MAP1A: variants seen among roughly 807,000 people sequenced by gnomAD.
The protein encoded by MAP1A is microtubule associated protein 1A, also known as microtubule-associated protein 1A.
In MAP1A, 42 loss-of-function variants were observed where a neutral mutation model predicts 185.9. That is an observed-to-expected ratio of 0.23 (90% CI 0.18 to 0.29). MAP1A has a LOEUF of 0.29. Among genes scored for constraint, MAP1A ranks in the 10% least tolerant of loss-of-function variants. The pLI is 1.00. For synonymous variants in MAP1A, 1,229 were observed against 1,335.9 expected (o/e 0.92, Z 1.74); for missense variants, 2,995 against 3,450.4 (o/e 0.87, Z 3.31).
rs1323028047 is a variant in MAP1A at position 43,528,314 on chromosome 15, G to C, written c.6841G>C (p.Ala2281Pro). Residue 2281 changes from alanine (A) to proline (P), a missense_variant, in exon 4 of 6, where the codon GCT becomes CCT. By Grantham distance (27) the Ala-to-Pro change is conservative (BLOSUM62 -1). Around this residue, in one of 3 missense-constraint regions of MAP1A, gnomAD observed 2,728 missense variants for 2,986.0 expected, o/e 0.91. Transcript: ENST00000300231. ...VAERFSPSLEAAEQESGELDP... is the reference protein window; with the variant it reads ...VAERFSPSLEPAEQESGELDP... ...GGAGCGCTTCTCTCCAAGCCTTGAG[G>C]CTGCAGAACAGGAGTCTGGAGAGCT... 1.9e-6 allele frequency: 3 copies of C among 1,613,986 alleles called. No homozygotes were observed. The highest frequency in any genetic ancestry group is 2.7e-5 in the African/African-American group (2 of 74,940).
chr15:43,526,526 G>C lies in MAP1A; in HGVS notation c.5053G>C (p.Gly1685Arg). ...SPEQDNRYWRGREDVALEQDT... is the reference protein window; with the variant it reads ...SPEQDNRYWRRREDVALEQDT... Reference sequence around the variant, plus strand: ...TGAGCAGGACAATAGGTATTGGAGGGGCAGAGAGGATGTGGCCTTGGAACA... The same window carrying C: ...TGAGCAGGACAATAGGTATTGGAGGCGCAGAGAGGATGTGGCCTTGGAACA... The change falls in exon 4 of 6, where the codon GGC becomes CGC. Residue 1685 changes from glycine to arginine, a missense_variant. Gly to Arg is a moderately radical substitution (Grantham distance 125). Around this residue, in one of 3 missense-constraint regions of MAP1A, gnomAD observed 2,728 missense variants for 2,986.0 expected, o/e 0.91. Coordinates refer to ENST00000300231, the MANE Select transcript of MAP1A (RefSeq NM_002373.6). This position sits in a 1 kb window ranked among gnomAD's most constrained non-coding sequence, Gnocchi z 4.7. 6.2e-7 allele frequency: 1 copy of C among 1,614,160 alleles called. No homozygotes were observed. Among genetic ancestry groups the C allele is most frequent in the South Asian group, 1.1e-5 (1 of 91,080 alleles).
At chr15:43,513,238 A>G (rs1424584119), upstream of MAP1A, among the ~76,000 whole-genome samples, 1 of 152,048 alleles carries the variant, frequency 6.6e-6, no homozygotes, top group Non-Finnish European at 1.5e-5. Flanking sequence ...GAGGCAGGAG[A>G]ATCGCTTGAA....
chr15:43,512,281 A>C, exon 2 of MAP1A: 1 of 1,539,180 alleles, frequency 6.5e-7, no homozygotes, highest in Non-Finnish European at 8.8e-7. Flanking sequence ...ACTTCTCCTC[A>C]GAGGTCAAAG....
chr15:43,517,279 G>C (rs2079301065), upstream of MAP1A, among the ~76,000 whole-genome samples: 1 of 152,110 alleles, frequency 6.6e-6, no homozygotes, highest in Non-Finnish European at 1.5e-5. Context: ...AGAGAAGGGG[G>C]AGAGCCCACG....
exon 1 of MAP1A, chr15:43,511,055 C>T (rs745721057): frequency 1.0e-4 from 156 of 1,549,102 alleles, no homozygotes; most frequent in Non-Finnish European, 1.3e-4. Context: ...GGGGCTGGGG[C>T]TCCGAAGTCC....
chr15:43,529,951 A>G lies in MAP1A; in HGVS notation c.8256+81A>G. The G allele has an allele frequency of 6.4e-7, 1 of 1,558,152 alleles. No individual in the cohort carries two copies. The highest frequency in any genetic ancestry group is 8.8e-7 in the Non-Finnish European group (1 of 1,136,438). On this transcript the variant is annotated intron_variant, in intron 5 of 5. Coordinates refer to ENST00000300231, the MANE Select transcript of MAP1A (RefSeq NM_002373.6). This position sits in a 1 kb window ranked among gnomAD's most constrained non-coding sequence, Gnocchi z 4.3. ...TAGTGGAACACAGTCCCTATTTATT[A>G]AAGGATGGGCCTTTTCTAAGGGCAG... is the stretch of plus-strand genomic sequence containing the variant.
exon 1 of MAP1A, chr15:43,511,077 T>A (rs923406737): frequency 1.9e-6 from 3 of 1,549,870 alleles, no homozygotes; most frequent in Non-Finnish European, 1.7e-6. Context: ...GGCGCACCGC[T>A]GGCTCAGAAC....
rs1253737820 is a variant in MAP1A, at chr15:43,524,229, G to C, written c.2756G>C (p.Gly919Ala). 1.2e-6 allele frequency: 2 copies of C among 1,614,194 alleles called. No individual in the cohort carries two copies. The highest frequency in any genetic ancestry group is 1.7e-6 in the Non-Finnish European group (2 of 1,180,026). The part of the protein sequence containing the change: ...SPPCEDFSVT[G>A]ESEKRGEIIG... Reference sequence around the variant, plus strand: ...CCCTGTGAGGACTTCTCTGTGACTGGGGAGTCAGAGAAGAGAGGAGAGATC... The same window carrying C: ...CCCTGTGAGGACTTCTCTGTGACTGCGGAGTCAGAGAAGAGAGGAGAGATC... Residue 919 changes from glycine to alanine, a missense_variant, in exon 4 of 6, where the codon GGG becomes GCG. Gly to Ala is a moderately conservative substitution (Grantham distance 60). Transcript: ENST00000300231.
chr15:43,518,016 T>G (rs2079304666), intron 1 of MAP1A, among the ~76,000 whole-genome samples: 3 of 151,928 alleles, frequency 2.0e-5, no homozygotes, highest in Non-Finnish European at 4.4e-5. Context: ...CTGGAGGAGT[T>G]TGGGGGCTAT....
rs1464680696 is a variant in MAP1A, at chr15:43,528,245, G to C, written c.6772G>C (p.Gly2258Arg). The C allele has an allele frequency of 6.2e-7, 1 of 1,613,934 alleles. No individual in the cohort carries two copies. Among genetic ancestry groups the C allele is most frequent in the East Asian group, 2.2e-5 (1 of 44,898 alleles). The change falls in exon 4 of 6, where the codon GGC becomes CGC. Residue 2258 changes from glycine to arginine, a missense_variant. This residue lies in a region of MAP1A where 2,728 missense variants were observed against 2,986.0 expected (regional missense o/e 0.91). Coordinates refer to ENST00000300231, the MANE Select transcript of MAP1A (RefSeq NM_002373.6). Reference protein sequence around the residue: ...PRPASPALSEGSSSEATTPVI... With the variant: ...PRPASPALSERSSSEATTPVI... Reference sequence around the variant, plus strand: ...ACCTGCCTCACCAGCCCTGTCTGAGGGCTCCTCCTCTGAGGCTACCACGCC... The same window carrying C: ...ACCTGCCTCACCAGCCCTGTCTGAGCGCTCCTCCTCTGAGGCTACCACGCC...
Position 43,523,621 on chromosome 15 carries a change from G to T in MAP1A, c.2148G>T (p.Ser716=). The part of the protein sequence containing the change: ...LQGKAPEKET[S]LFLSSLTTPA... ...GCAAGGCCCCTGAGAAGGAGACCTC[G>T]TTATTCCTAAGCAGCCTGACCACAC... The change falls in exon 4 of 6, where the codon TCG becomes TCT. Residue 716 remains serine, a synonymous_variant. Transcript: ENST00000300231. The T allele has an allele frequency of 6.2e-7, 1 of 1,614,096 alleles. No homozygotes were observed. The highest frequency in any genetic ancestry group is 8.5e-7 in the Non-Finnish European group (1 of 1,180,004).
rs1291303522 is a variant in MAP1A, at chr15:43,523,174, A to G, written c.1701A>G (p.Gly567=). Residue 567 remains glycine, a synonymous_variant, in exon 4 of 6, where the codon GGA becomes GGG. Coordinates refer to ENST00000300231, the MANE Select transcript of MAP1A (RefSeq NM_002373.6). ...TCCCTCTAGACACTGCAGAGGAGGG[A>G]CCCCCAAGTACAGCTATCCAGGGAA... is the stretch of plus-strand genomic sequence containing the variant. The part of the protein sequence containing the change: ...KPFPLDTAEE[G]PPSTAIQGTP... 1 of 1,613,866 alleles carries G rather than the reference A, an allele frequency of 6.2e-7. No homozygotes were observed. Among genetic ancestry groups the G allele is most frequent in the Admixed American group, 1.7e-5 (1 of 59,986 alleles).
At position 43,525,759 on chromosome 15, in the gene MAP1A, T is replaced by C; in HGVS notation, c.4286T>C (p.Leu1429Pro). ...DTALEQKDKA[L>P]EPKDKDLEEK... Reference sequence around the variant, plus strand: ...GCCCTAGAACAGAAGGACAAGGCCCTGGAACCAAAAGACAAAGACTTAGAA... The same window carrying C: ...GCCCTAGAACAGAAGGACAAGGCCCCGGAACCAAAAGACAAAGACTTAGAA... Residue 1429 changes from leucine (L) to proline (P), a missense_variant, in exon 4 of 6, where the codon CTG becomes CCG. By Grantham distance (98) the Leu-to-Pro change is moderately conservative (BLOSUM62 -3). Transcript: ENST00000300231. 6.2e-7 allele frequency: 1 copy of C among 1,614,064 alleles called. No individual in the cohort carries two copies. The highest frequency in any genetic ancestry group is 8.5e-7 in the Non-Finnish European group (1 of 1,180,016).
In MAP1A at chr15:43,524,936, G is replaced by A. The variant is rs1189437073; in HGVS notation, c.3463G>A (p.Val1155Ile). 6.2e-7 allele frequency: 1 copy of A among 1,613,928 alleles called. No homozygotes were observed. Among genetic ancestry groups the A allele is most frequent in the African/African-American group, 1.3e-5 (1 of 74,862 alleles). The change falls in exon 4 of 6, where the codon GTC (valine) becomes ATC (isoleucine). Residue 1155 changes from valine to isoleucine, a missense_variant. Val to Ile is a conservative substitution (Grantham distance 29). Around this residue, in one of 3 missense-constraint regions of MAP1A, gnomAD observed 2,728 missense variants for 2,986.0 expected, o/e 0.91. Transcript: ENST00000300231. Reference protein sequence around the residue: ...LSPEDAESLSVLSVPSPDTAN... With the variant: ...LSPEDAESLSILSVPSPDTAN... ...TCCTGAAGATGCAGAATCCCTCTCTGTCCTCAGCGTGCCCTCCCCAGACAC... is the reference window on the plus strand; with the variant it reads ...TCCTGAAGATGCAGAATCCCTCTCTATCCTCAGCGTGCCCTCCCCAGACAC...
At position 43,529,006 on chromosome 15, in the gene MAP1A, A is replaced by G. The variant is rs1290737912; in HGVS notation, c.7533A>G (p.Ser2511=). 6.2e-7 allele frequency: 1 copy of G among 1,613,784 alleles called. No homozygotes were observed. The highest frequency in any genetic ancestry group is 8.5e-7 in the Non-Finnish European group (1 of 1,180,024). The change falls in exon 4 of 6, where the codon TCA becomes TCG. Residue 2511 remains serine (S), a synonymous_variant. Transcript: ENST00000300231. The surrounding 1 kb of genome is among the most constrained non-coding windows in gnomAD (Gnocchi z 4.3). ...TSASDSGSSQ[S]DSDVPPETEE... is the part of the protein sequence containing the mutation. ...CCAGTGACTCAGGCTCCTCACAGTC[A>G]GATTCTGATGTCCCGCCAGAAACTG...
In MAP1A at chr15:43,530,267, C is replaced by CT. The variant is rs1450154222; in HGVS notation, c.*46dup. On this transcript the variant is annotated 3_prime_UTR_variant, in exon 6 of 6. Transcript: ENST00000300231. Reference sequence around the variant, plus strand: ...CCCCAAGGATCCACTCCCCCAGCTCCTTTAGAGAATGGCTACTGCTGAGTC... The same window carrying CT: ...CCCCAAGGATCCACTCCCCCAGCTCCTTTTAGAGAATGGCTACTGCTGAGTC... The CT allele has an allele frequency of 1.2e-6, 2 of 1,608,900 alleles. No individual in the cohort carries two copies. The highest frequency in any genetic ancestry group is 2.7e-5 in the African/African-American group (2 of 74,858).
Position 43,527,104 on chromosome 15 carries a change from T to C in MAP1A, c.5631T>C (p.Ser1877=), listed in dbSNP as rs78825265. The C allele has an allele frequency of 5.9e-3, 9,367 of 1,597,078 alleles. 494 individuals carry two copies. In the African/African-American group the frequency reaches 0.11, roughly 19 times the overall value. Residue 1877 remains serine (S), a synonymous_variant, in exon 4 of 6, where the codon TCT becomes TCC. Coordinates refer to ENST00000300231, the MANE Select transcript of MAP1A (RefSeq NM_002373.6). Reference sequence around the variant, plus strand: ...AATCCCATACTCCTGCACCCTTCTCTTGGGGCACAGCCGAGTATGACAGTG... The same window carrying C: ...AATCCCATACTCCTGCACCCTTCTCCTGGGGCACAGCCGAGTATGACAGTG... ...APESHTPAPF[S]WGTAEYDSVV... is the part of the protein sequence containing the mutation.
chr15:43,527,361 G>A lies in MAP1A; in HGVS notation c.5888G>A (p.Arg1963Lys). The A allele has an allele frequency of 8.7e-6, 14 of 1,614,218 alleles. No homozygotes were observed. Among genetic ancestry groups the A allele is most frequent in the Non-Finnish European group, 1.2e-5 (14 of 1,180,030 alleles). The change falls in exon 4 of 6, where the codon AGA (arginine) becomes AAA (lysine). Residue 1963 changes from arginine to lysine, a missense_variant. Physicochemically the swap from Arg to Lys is conservative, Grantham distance 26 (BLOSUM62 2). This residue lies in a region of MAP1A where 2,728 missense variants were observed against 2,986.0 expected (regional missense o/e 0.91). Coordinates refer to ENST00000300231, the MANE Select transcript of MAP1A (RefSeq NM_002373.6). ...QREPTPYPDE[R>K]SFQYADIYEQ... Reference sequence around the variant, plus strand: ...GAGCCCACACCCTATCCTGATGAGAGAAGCTTTCAGTATGCAGACATCTAT... The same window carrying A: ...GAGCCCACACCCTATCCTGATGAGAAAAGCTTTCAGTATGCAGACATCTAT...
At chr15:43,520,744 T>A in intron 2 of MAP1A, 21 bp downstream of exon 2, 1 of 1,526,636 alleles carries the variant, frequency 6.6e-7, no homozygotes, top group Non-Finnish European at 8.9e-7. Context: ...GGCCTGTGCC[T>A]TGCCAAACAG....
Sources: gnomAD v4.1 joint callset for allele counts (sites outside exome capture counted in the v4.1 genomes callset) on GRCh38, gnomAD v4.1.1 for gene constraint, gnomAD v4.1.1 regional missense constraint, Gnocchi (gnomAD v3.1) non-coding constraint, MANE v1.5 for transcripts, NCBI Gene and HGNC (gene_info 2026-07-23, HGNC 2026-07-21) for gene names.